Variants in ST8SIA5 observed in about 807,000 individuals in gnomAD.
The protein encoded by ST8SIA5 is alpha-2,8-sialyltransferase 8E.
A neutral mutation model predicts 40.2 loss-of-function variants in ST8SIA5; 24 were observed. The observed-to-expected ratio is 0.60, with a 90% confidence interval of 0.43 to 0.84. The LOEUF (loss-of-function observed/expected upper bound fraction) is 0.84, where lower values mean the gene tolerates loss of function less well. ST8SIA5 is among the 40% of genes least tolerant of loss of function. The pLI, the probability that ST8SIA5 is intolerant of heterozygous loss-of-function variation, is 0.00. For synonymous variants in ST8SIA5, 198 were observed against 201.8 expected (o/e 0.98, Z 0.16); for missense variants, 465 against 498.5 (o/e 0.93, Z 0.64).
chr18:46,756,535 G>C lies in ST8SIA5; in HGVS notation c.-27C>G. 1.2e-6 allele frequency: 2 copies of C among 1,610,622 alleles called. No homozygotes were observed. The highest frequency in any genetic ancestry group is 1.7e-6 in the Non-Finnish European group (2 of 1,178,106). On this transcript the variant is annotated 5_prime_UTR_variant, in exon 1 of 7. Transcript: ENST00000315087. The stretch of plus-strand genomic sequence containing the variant: ...CTGGCTACCGGGCGCCGCGGGCGCG[G>C]GGTACGGGGCGGCCAGGCAATGACT...
At chr18:46,698,910 A>C (rs659682) in intron 2 of ST8SIA5, among the ~76,000 whole-genome samples, 7,294 of 152,272 alleles carry the variant, frequency 0.048, 514 homozygotes, top group East Asian at 0.37. Context: ...AGATGGCTAG[A>C]AGCTCCAGAA....
rs772397049 is a variant in ST8SIA5 at position 46,756,481 on chromosome 18, G to T, written c.28C>A (p.Arg10=). Residue 10 remains arginine (R), a synonymous_variant, in exon 1 of 7, where the codon CGG becomes AGG. Coordinates refer to ENST00000315087, the MANE Select transcript of ST8SIA5 (RefSeq NM_013305.6). Reference sequence around the variant, plus strand: ...AAAGTTCGGCTCCCCAACAAATCCCGGTTGGCCGAGGGGTCCGCGTAGCGC... The same window carrying T: ...AAAGTTCGGCTCCCCAACAAATCCCTGTTGGCCGAGGGGTCCGCGTAGCGC... MRYADPSAN[R]DLLGSRTLLF... The T allele has an allele frequency of 3.0e-5, 48 of 1,613,088 alleles. No homozygotes were observed. The highest frequency in any genetic ancestry group is 3.8e-5 in the Non-Finnish European group (45 of 1,179,250).
intron 2 of ST8SIA5, among the ~76,000 whole-genome samples, chr18:46,700,297 G>T (rs2039599098): frequency 6.6e-6 from 1 of 152,212 alleles, no homozygotes; most frequent in Non-Finnish European, 1.5e-5. Context: ...ACACCTCCCT[G>T]TCTCCTCAAA....
rs1298431278 is a variant in ST8SIA5 at position 46,670,980 on chromosome 18, G to A, written c.*9062C>T. The A allele has an allele frequency of 6.6e-6, 1 of 152,138 alleles. No individual in the cohort carries two copies. Among genetic ancestry groups the A allele is most frequent in the Non-Finnish European group, 1.5e-5 (1 of 68,032 alleles). The allele number at this position is 152,138 out of a possible 1,614,324, so 9.4% of individuals were successfully genotyped here. A position where few individuals can be genotyped will look rare whatever the true frequency, so the allele number is the denominator to read the frequency against. On this transcript the variant is annotated 3_prime_UTR_variant, in exon 7 of 7. Coordinates refer to ENST00000315087, the MANE Select transcript of ST8SIA5 (RefSeq NM_013305.6). ...GATATGTGATATTAGCAAAATGGTT[G>A]GCCCTTGATACACAGCTTTATAGCA...
At chr18:46,696,133 A>G (rs940152923) in intron 2 of ST8SIA5, among the ~76,000 whole-genome samples, 1 of 152,220 alleles carries the variant, frequency 6.6e-6, no homozygotes, top group Non-Finnish European at 1.5e-5. Context: ...GGAAAAGTGT[A>G]TTCCGGGCTG....
intron 5 of ST8SIA5, among the ~76,000 whole-genome samples, chr18:46,685,436 C>T (rs1192089239): frequency 1.3e-5 from 2 of 152,198 alleles, no homozygotes; most frequent in East Asian, 3.9e-4. Flanking sequence ...CCTGTGACAG[C>T]AGGTGACGCA....
chr18:46,732,497 T>A lies in ST8SIA5; in HGVS notation c.131+23881A>T, dbSNP rs745611211. ...GCACAACACACCTGTTCACCTTTAC[T>A]GCTATCCTCACACTGGCCCAGGTGA... On this transcript the variant is annotated intron_variant, in intron 1 of 6. Coordinates refer to ENST00000315087, the MANE Select transcript of ST8SIA5 (RefSeq NM_013305.6). Among the ~76,000 whole-genome samples, 4 of 152,274 alleles carry A rather than the reference T, an allele frequency of 2.6e-5. No individual in the cohort carries two copies. The East Asian group carries it at 7.8e-4, about 30-fold the overall frequency.
At chr18:46,698,413 A>G (rs2039578377) in intron 2 of ST8SIA5, among the ~76,000 whole-genome samples, 1 of 151,184 alleles carries the variant, frequency 6.6e-6, no homozygotes, top group Non-Finnish European at 1.5e-5. Context: ...ACAACAATCA[A>G]AACAATCCCA....
intron 2 of ST8SIA5, 50 bp downstream of exon 2, chr18:46,704,522 T>TTCCCCC: frequency 1.6e-6 from 1 of 622,018 alleles, no homozygotes; most frequent in Non-Finnish European, 2.6e-6. Context: ...CCCCAACCCC[T>TTCCCCC]GCCCCACCTC....
chr18:46,700,645 CA>C (rs1271819303), intron 2 of ST8SIA5, among the ~76,000 whole-genome samples: 1 of 152,180 alleles, frequency 6.6e-6, no homozygotes, highest in East Asian at 1.9e-4. Flanking sequence ...CTTGGGGTCA[CA>C]GAGAGGTAAC....
chr18:46,736,375 G>A (rs1282920324), intron 1 of ST8SIA5, among the ~76,000 whole-genome samples: 1 of 152,162 alleles, frequency 6.6e-6, no homozygotes, highest in Admixed American at 6.5e-5. Flanking sequence ...GCCTGAGATT[G>A]GACCTGCAGA....
At chr18:46,721,239 G>C (rs1175371056) in intron 1 of ST8SIA5, 4 of 845,438 alleles carry the variant, frequency 4.7e-6, no homozygotes, top group Non-Finnish European at 7.4e-6. Flanking sequence ...AGTGCAGGGA[G>C]TTTCGAGCCA....
intron 2 of ST8SIA5, among the ~76,000 whole-genome samples, chr18:46,699,033 A>T (rs572623087): frequency 1.3e-5 from 2 of 152,350 alleles, no homozygotes; most frequent in South Asian, 2.1e-4. Context: ...TATTCTTCAA[A>T]TTTTAGAGTT....
chr18:46,688,904 C>T lies in ST8SIA5; in HGVS notation c.327G>A (p.Arg109=). 2 of 1,613,052 alleles carry T rather than the reference C, an allele frequency of 1.2e-6. No homozygotes were observed. Among genetic ancestry groups the T allele is most frequent in the Middle Eastern group, 1.7e-4 (1 of 6,052 alleles). Residue 109 remains arginine (R), a synonymous_variant, in exon 4 of 7, where the codon AGG becomes AGA. Transcript: ENST00000315087. ...EANQFKSTLS[R]CCNAPAFLFT... ...AGAGAAAGGCAGGGGCGTTGCAGCACCTGGACAGAGTAGACCTGCCAGGCA... is the reference window on the plus strand; with the variant it reads ...AGAGAAAGGCAGGGGCGTTGCAGCATCTGGACAGAGTAGACCTGCCAGGCA...
intron 1 of ST8SIA5, among the ~76,000 whole-genome samples, chr18:46,740,119 C>T (rs1462998989): frequency 2.6e-5 from 4 of 152,184 alleles, no homozygotes; most frequent in East Asian, 1.9e-4. Flanking sequence ...CTGCAACATC[C>T]TCCCAATAAA....
chr18:46,732,522 A>G (rs2039994763), intron 1 of ST8SIA5, among the ~76,000 whole-genome samples: 1 of 152,172 alleles, frequency 6.6e-6, no homozygotes, highest in Non-Finnish European at 1.5e-5. Context: ...GGCCCAGGTG[A>G]GCGCATTCCA....
intron 1 of ST8SIA5, among the ~76,000 whole-genome samples, chr18:46,740,786 A>T (rs1821327835): frequency 6.6e-6 from 1 of 152,204 alleles, no homozygotes; most frequent in Admixed American, 6.5e-5. Flanking sequence ...CATCTATAAA[A>T]TAGCCCCTGG....
Position 46,756,590 on chromosome 18 carries a change from C to A in ST8SIA5, c.-82G>T. 6.8e-7 allele frequency: 1 copy of A among 1,476,708 alleles called. No homozygotes were observed. The highest frequency in any genetic ancestry group is 2.5e-5 in the East Asian group (1 of 39,772). The allele number at this position is 1,476,708 out of a possible 1,614,324, so 91.5% of individuals were successfully genotyped here. On this transcript the variant is annotated 5_prime_UTR_variant, in exon 1 of 7. Transcript: ENST00000315087. Reference sequence around the variant, plus strand: ...GGGTTCCGGGGCCCCGGGGGGCGCGCGGCCGACTTGGCGCCTCACGGTGCG... The same window carrying A: ...GGGTTCCGGGGCCCCGGGGGGCGCGAGGCCGACTTGGCGCCTCACGGTGCG...
chr18:46,707,631 C>A (rs1388735555), intron 1 of ST8SIA5, among the ~76,000 whole-genome samples: 1 of 152,222 alleles, frequency 6.6e-6, no homozygotes, highest in Non-Finnish European at 1.5e-5. Context: ...CTCCACCCCT[C>A]ATTGGCCTCT....
Sources: gnomAD v4.1 joint callset for allele counts (sites outside exome capture counted in the v4.1 genomes callset) on GRCh38, gnomAD v4.1.1 for gene constraint, MANE v1.5 for transcripts, NCBI Gene and HGNC (gene_info 2026-07-23, HGNC 2026-07-21) for gene names.